CPM: variants seen among roughly 807,000 people sequenced by gnomAD.
CPM encodes the protein renal carboxypeptidase.
CPM carries 35 observed loss-of-function variants against 46.4 expected under a neutral mutation model. That is an observed-to-expected ratio of 0.75 (90% CI 0.58 to 1.00). CPM has a LOEUF of 1.00. Among genes scored for constraint, CPM ranks in the 50% least tolerant of loss-of-function variants. CPM has a pLI of 0.00. For missense variants in CPM, 422 were observed against 530.4 expected, an observed-to-expected ratio of 0.80 and a Z score of 2.01; for synonymous variants, 195 against 195.3, an observed-to-expected ratio of 1.00 and a Z score of 0.01.
chr12:68,953,155 A>T (rs1888962211), intron 1 of CPM, among the ~76,000 whole-genome samples: 1 of 152,172 alleles, frequency 6.6e-6, no homozygotes, highest in Non-Finnish European at 1.5e-5. Context: ...GCTCCTACGG[A>T]ATACTTGGCT....
intron 7 of CPM, among the ~76,000 whole-genome samples, chr12:68,861,593 G>A (rs1016012472): frequency 6.6e-6 from 1 of 151,258 alleles, no homozygotes; most frequent in African/African-American, 2.4e-5. Context: ...GCAATGGCGC[G>A]ATCTCAGCTC....
chr12:68,953,380 A>G (rs371900971), intron 1 of CPM, among the ~76,000 whole-genome samples: 3 of 151,978 alleles, frequency 2.0e-5, no homozygotes, highest in South Asian at 2.1e-4. Flanking sequence ...TTGGAATTCT[A>G]TCTAGCTTTC....
At chr12:68,930,201 C>A (rs1888442896) in intron 2 of CPM, among the ~76,000 whole-genome samples, 1 of 152,190 alleles carries the variant, frequency 6.6e-6, no homozygotes, top group African/African-American at 2.4e-5. Flanking sequence ...CGGTCTCAGC[C>A]TCTCTAGTAG....
intron 1 of CPM, among the ~76,000 whole-genome samples, chr12:68,953,381 TC>T (rs1191240021): frequency 6.6e-6 from 1 of 152,190 alleles, no homozygotes; most frequent in African/African-American, 2.4e-5. Flanking sequence ...TGGAATTCTA[TC>T]TAGCTTTCAG....
intron 2 of CPM, among the ~76,000 whole-genome samples, chr12:68,894,484 C>T (rs185293620): frequency 4.7e-4 from 71 of 152,284 alleles, no homozygotes; most frequent in Non-Finnish European, 8.7e-4. Flanking sequence ...AACACAAATG[C>T]GCCCACAGGA....
At chr12:68,941,890 C>T (rs532563114) in intron 1 of CPM, among the ~76,000 whole-genome samples, 2 of 152,254 alleles carry the variant, frequency 1.3e-5, no homozygotes, top group South Asian at 2.1e-4. Flanking sequence ...CCTTGCAATT[C>T]TTCAGAAAGG....
At chr12:68,848,343 T>G (rs1884472058), downstream of CPM, 1 of 152,230 alleles carries the variant, frequency 6.6e-6, no homozygotes, top group Non-Finnish European at 1.5e-5. Context: ...TTTTTCATTT[T>G]TAGTGGAGAT....
Position 68,851,461 on chromosome 12 carries a change from AT to A in CPM, c.*4975del, listed in dbSNP as rs1289574607. On this transcript the variant is annotated 3_prime_UTR_variant, in exon 9 of 9. Coordinates refer to ENST00000551568, the MANE Select transcript of CPM (RefSeq NM_198320.5). ...CCCGTCTCTACTACAAATACAAAAAATTAGCCGGGCGTGGAGACAGGCACCG... is the reference window on the plus strand; with the variant it reads ...CCCGTCTCTACTACAAATACAAAAAATAGCCGGGCGTGGAGACAGGCACCG... 1 of 152,214 alleles carries A rather than the reference AT, an allele frequency of 6.6e-6. No individual in the cohort carries two copies. The highest frequency in any genetic ancestry group is 1.5e-5 in the Non-Finnish European group (1 of 68,098). 9.4% of individuals were successfully genotyped at this position (152,214 alleles called of 1,614,324 possible). A position where few individuals can be genotyped will look rare whatever the true frequency, so the allele number is the denominator to read the frequency against.
intron 2 of CPM, among the ~76,000 whole-genome samples, chr12:68,900,828 T>C (rs1887082107): frequency 6.6e-6 from 1 of 152,088 alleles, no homozygotes; most frequent in Non-Finnish European, 1.5e-5. Flanking sequence ...ACAGGCGAAA[T>C]TATGGAGACA....
chr12:68,917,552 A>C (rs896861004), intron 2 of CPM, among the ~76,000 whole-genome samples: 12 of 152,238 alleles, frequency 7.9e-5, no homozygotes, highest in African/African-American at 2.7e-4. Context: ...TAACATAGCC[A>C]GTATGTTTTA....
At chr12:68,949,286 G>T (rs139022933) in intron 1 of CPM, among the ~76,000 whole-genome samples, 18 of 152,182 alleles carry the variant, frequency 1.2e-4, no homozygotes, top group Non-Finnish European at 1.9e-4. Context: ...CAAGAGGATC[G>T]CTTGAGCCCG....
chr12:68,915,786 A>G (rs1174415087), intron 2 of CPM, among the ~76,000 whole-genome samples: 2 of 152,230 alleles, frequency 1.3e-5, no homozygotes, highest in Admixed American at 1.3e-4. Flanking sequence ...AAATCGCTAA[A>G]AGACACATTT....
intron 3 of CPM, among the ~76,000 whole-genome samples, chr12:68,879,506 G>T (rs1886096407): frequency 6.6e-6 from 1 of 152,074 alleles, no homozygotes; most frequent in Non-Finnish European, 1.5e-5. Context: ...TGGGACCACA[G>T]GTATGCACCA....
In CPM at chr12:68,869,335, A is replaced by G. The variant is rs576433352; in HGVS notation, c.777T>C (p.Tyr259=). ...TGAAGAGAAACTCACCTTGGAGTGGATACCAAGAGTATCCATTTGTAACAC... is the reference window on the plus strand; with the variant it reads ...TGAAGAGAAACTCACCTTGGAGTGGGTACCAAGAGTATCCATTTGTAACAC... ...PNGVTNGYSW[Y]PLQGGMQDYN... is the part of the protein sequence containing the mutation. Residue 259 remains tyrosine (Y), a synonymous_variant, in exon 6 of 9, where the codon TAT becomes TAC. Coordinates refer to ENST00000551568, the MANE Select transcript of CPM (RefSeq NM_198320.5). 1 of 1,612,832 alleles carries G rather than the reference A, an allele frequency of 6.2e-7. No individual in the cohort carries two copies. The highest frequency in any genetic ancestry group is 1.1e-5 in the South Asian group (1 of 90,796).
At chr12:68,865,398 A>G (rs1461788538) in intron 7 of CPM, among the ~76,000 whole-genome samples, 4 of 152,188 alleles carry the variant, frequency 2.6e-5, no homozygotes, top group Admixed American at 1.3e-4. Flanking sequence ...GGATACAGGT[A>G]TGAAAGAGGG....
At chr12:68,926,698 G>T (rs1006952701) in intron 2 of CPM, among the ~76,000 whole-genome samples, 2 of 152,064 alleles carry the variant, frequency 1.3e-5, no homozygotes, top group Non-Finnish European at 2.9e-5. Flanking sequence ...ATCTCCTAAT[G>T]CTATCCCTCC....
chr12:68,889,140 TAA>T (rs1352236419), intron 2 of CPM, among the ~76,000 whole-genome samples: 1 of 152,154 alleles, frequency 6.6e-6, no homozygotes, highest in African/African-American at 2.4e-5. Context: ...GGAGGCTCAT[TAA>T]AGTTTGAAAG....
chr12:68,918,728 T>C (rs1236114858), intron 2 of CPM, among the ~76,000 whole-genome samples: 2 of 151,980 alleles, frequency 1.3e-5, no homozygotes, highest in Non-Finnish European at 2.9e-5. Flanking sequence ...CCTCCATTCC[T>C]AACAGAGCAT....
chr12:68,842,731 C>T (rs1233505871), intron 5 of CPM: 2 of 195,322 alleles, frequency 1.0e-5, no homozygotes, highest in Non-Finnish European at 2.1e-5. Flanking sequence ...AAAATATGCC[C>T]TTTATTATAG....
Sources: gnomAD v4.1 joint callset for allele counts (sites outside exome capture counted in the v4.1 genomes callset) on GRCh38, gnomAD v4.1.1 for gene constraint, MANE v1.5 for transcripts, NCBI Gene and HGNC (gene_info 2026-07-23, HGNC 2026-07-21) for gene names.